MDGA2: variants seen among roughly 807,000 people sequenced by gnomAD.
MDGA2 encodes MAM domain-containing glycosylphosphatidylinositol anchor protein 2.
MDGA2 carries 40 observed loss-of-function variants against 117.8 expected under a neutral mutation model. That is an observed-to-expected ratio of 0.34 (90% confidence interval 0.26 to 0.44). The LOEUF is 0.44. Among genes scored for constraint, MDGA2 ranks in the 20% least tolerant of loss-of-function variants. The probability of loss-of-function intolerance (pLI) is 1.00; values close to 1 mark genes in which losing one functional copy is unlikely to be tolerated. For synonymous variants in MDGA2, 452 were observed against 439.0 expected (o/e 1.03, Z -0.37); for missense variants, 1,123 against 1,250.6 (o/e 0.90, Z 1.54).
At chr14:47,052,263 T>C (rs899484171) in intron 7 of MDGA2, among the ~76,000 whole-genome samples, 1 of 151,800 alleles carries the variant, frequency 6.6e-6, no homozygotes, top group Admixed American at 6.6e-5. Flanking sequence ...TTGGGTATAC[T>C]CTCTCATTTC....
At chr14:47,487,187 TGAAACAC>T (rs1894079293) in intron 1 of MDGA2, among the ~76,000 whole-genome samples, 1 of 152,216 alleles carries the variant, frequency 6.6e-6, no homozygotes, top group African/African-American at 2.4e-5. Flanking sequence ...AGGTATTTTA[TGAAACAC>T]TGCTTTATTC....
chr14:46,924,620 G>A (rs773877295), intron 9 of MDGA2, among the ~76,000 whole-genome samples: 4 of 151,534 alleles, frequency 2.6e-5, no homozygotes, highest in Admixed American at 6.6e-5. Context: ...GCTTTCCTAC[G>A]AGGTGCTGAG....
At chr14:46,860,753 T>C (rs1326312587) in intron 14 of MDGA2, among the ~76,000 whole-genome samples, 1 of 151,676 alleles carries the variant, frequency 6.6e-6, no homozygotes, top group Non-Finnish European at 1.5e-5. Flanking sequence ...TTCTCCTTTA[T>C]ATCTAGACTT....
intron 4 of MDGA2, among the ~76,000 whole-genome samples, chr14:47,139,983 C>T (rs1183857529): frequency 6.7e-6 from 1 of 148,818 alleles, no homozygotes; most frequent in African/African-American, 2.5e-5. Context: ...AAAGAGTAAC[C>T]CAATATGGAA....
intron 6 of MDGA2, among the ~76,000 whole-genome samples, chr14:47,074,436 C>G (rs1890415348): frequency 6.6e-6 from 1 of 151,978 alleles, no homozygotes; most frequent in African/African-American, 2.4e-5. Context: ...GTAGCTGGGA[C>G]TATACAGGCA....
intron 8 of MDGA2, among the ~76,000 whole-genome samples, chr14:46,957,849 T>C (rs1274476344): frequency 6.6e-6 from 1 of 152,168 alleles, no homozygotes; most frequent in Non-Finnish European, 1.5e-5. Flanking sequence ...ATGAGCCTCC[T>C]TGCTTTACAA....
chr14:47,124,762 G>A (rs1881814864), intron 5 of MDGA2, among the ~76,000 whole-genome samples: 1 of 151,916 alleles, frequency 6.6e-6, no homozygotes, highest in African/African-American at 2.4e-5. Flanking sequence ...AGGGACACTA[G>A]AGCTTTCTCT....
At chr14:46,904,215 A>C (rs1478866278) in intron 10 of MDGA2, among the ~76,000 whole-genome samples, 16 of 152,090 alleles carry the variant, frequency 1.1e-4, no homozygotes, top group Non-Finnish European at 1.6e-4. Flanking sequence ...AATATTAAAA[A>C]TTAAAAATTA....
chr14:47,382,750 T>C (rs897628942), intron 1 of MDGA2, among the ~76,000 whole-genome samples: 3 of 152,222 alleles, frequency 2.0e-5, no homozygotes, highest in East Asian at 3.9e-4. Context: ...TTTTACACTG[T>C]TGGTGGGACT....
At chr14:47,494,612 G>C (rs955639670) in intron 1 of MDGA2, among the ~76,000 whole-genome samples, 5 of 152,026 alleles carry the variant, frequency 3.3e-5, no homozygotes, top group Admixed American at 2.0e-4. Context: ...CCAATGCCCA[G>C]AAAAGTTTTT....
chr14:47,266,426 A>G (rs1427527459), intron 2 of MDGA2, among the ~76,000 whole-genome samples: 1 of 152,180 alleles, frequency 6.6e-6, no homozygotes, highest in African/African-American at 2.4e-5. Flanking sequence ...ATATCTGACC[A>G]ATGTAACTAC....
intron 5 of MDGA2, among the ~76,000 whole-genome samples, chr14:47,108,633 T>C: frequency 6.6e-6 from 1 of 152,114 alleles, no homozygotes; most frequent in Non-Finnish European, 1.5e-5. Context: ...CCAAATCCTA[T>C]AAAACGGCCC....
At chr14:47,330,709 C>CAA (rs144988540) in intron 1 of MDGA2, among the ~76,000 whole-genome samples, 5 of 148,644 alleles carry the variant, frequency 3.4e-5, no homozygotes, top group Admixed American at 1.3e-4. Flanking sequence ...CTACAGCCAC[C>CAA]AAAAAAAAAG....
intron 1 of MDGA2, among the ~76,000 whole-genome samples, chr14:47,439,522 T>G (rs1296117350): frequency 6.6e-6 from 1 of 152,150 alleles, no homozygotes; most frequent in Non-Finnish European, 1.5e-5. Flanking sequence ...CCTCCCCTTC[T>G]GCTGTCCCTA....
intron 1 of MDGA2, among the ~76,000 whole-genome samples, chr14:47,564,448 T>C (rs747694873): frequency 1.2e-4 from 18 of 152,166 alleles, no homozygotes; most frequent in Non-Finnish European, 2.6e-4. Context: ...CTTTCACAGA[T>C]GGCAGCAGGC....
intron 3 of MDGA2, among the ~76,000 whole-genome samples, chr14:47,200,182 C>T (rs961579376): frequency 4.0e-5 from 6 of 151,436 alleles, no homozygotes; most frequent in African/African-American, 4.9e-5. Context: ...GACCAAAGAA[C>T]GAAAAAGGAA....
chr14:47,622,724 G>C (rs1897072383), intron 1 of MDGA2, among the ~76,000 whole-genome samples: 1 of 152,174 alleles, frequency 6.6e-6, no homozygotes, highest in Non-Finnish European at 1.5e-5. Context: ...GTTGTTGCTA[G>C]CCTGTTGTAA....
At chr14:47,404,975 C>T (rs1167678523) in intron 1 of MDGA2, among the ~76,000 whole-genome samples, 1 of 152,156 alleles carries the variant, frequency 6.6e-6, no homozygotes, top group Non-Finnish European at 1.5e-5. Flanking sequence ...AACTGCAGCT[C>T]AGTTTCGATA....
At chr14:46,928,637 A>G (rs59948403) in intron 9 of MDGA2, among the ~76,000 whole-genome samples, 2 of 152,154 alleles carry the variant, frequency 1.3e-5, no homozygotes, top group Non-Finnish European at 1.5e-5. Flanking sequence ...ATGTTTCTAA[A>G]GCCCCAGTTT....
Sources: gnomAD v4.1 joint callset for allele counts (sites outside exome capture counted in the v4.1 genomes callset) on GRCh38, gnomAD v4.1.1 for gene constraint, MANE v1.5 for transcripts, NCBI Gene and HGNC (gene_info 2026-07-23, HGNC 2026-07-21) for gene names.